Variants in EPHA4 observed in about 807,000 individuals in gnomAD.
The protein encoded by EPHA4 is ephrin type-A receptor 4.
EPHA4 carries 19 observed loss-of-function variants against 108.3 expected under a neutral mutation model. The observed-to-expected ratio is 0.18, with a 90% CI of 0.12 to 0.26. EPHA4 has a LOEUF of 0.26. Ranked by LOEUF, EPHA4 falls within the 10% of genes least tolerant of loss-of-function variation. EPHA4 has a pLI of 1.00. For missense variants in EPHA4, 917 were observed against 1,254.0 expected (o/e 0.73, Z 4.06); for synonymous variants, 449 against 455.5 (o/e 0.99, Z 0.18).
intron 5 of EPHA4, 76 bp downstream of exon 5, chr2:221,482,276 T>C: frequency 3.9e-6 from 5 of 1,288,590 alleles, no homozygotes; most frequent in Non-Finnish European, 5.3e-6. Context: ...ATTATAGCAA[T>C]TTATTATAAT....
intron 15 of EPHA4, among the ~76,000 whole-genome samples, chr2:221,427,948 T>C (rs1234126988): frequency 1.3e-5 from 2 of 152,202 alleles, no homozygotes; most frequent in African/African-American, 4.8e-5. Context: ...CATTGTAACC[T>C]GTCTTTTGTG....
intron 4 of EPHA4, among the ~76,000 whole-genome samples, chr2:221,486,871 C>T (rs1691991189): frequency 6.6e-6 from 1 of 151,894 alleles, no homozygotes. Context: ...GAATTAAAAA[C>T]TAATGAAGTC....
At chr2:221,557,593 AGGCAGTTCTT>A (rs1378288034) in intron 3 of EPHA4, among the ~76,000 whole-genome samples, 1 of 152,192 alleles carries the variant, frequency 6.6e-6, no homozygotes, top group Non-Finnish European at 1.5e-5. Flanking sequence ...TCAACTCCAA[AGGCAGTTCTT>A]GGCCATTTTG....
At chr2:221,430,793 T>A (rs1028738963) in intron 14 of EPHA4, among the ~76,000 whole-genome samples, 6 of 152,144 alleles carry the variant, frequency 3.9e-5, no homozygotes, top group African/African-American at 7.2e-5. Context: ...TAGATTTTTT[T>A]TAAAAAAGTA....
intron 3 of EPHA4, among the ~76,000 whole-genome samples, chr2:221,553,349 G>C (rs182768311): frequency 6.6e-6 from 1 of 152,206 alleles, no homozygotes; most frequent in Non-Finnish European, 1.5e-5. Flanking sequence ...ACTGTGGAAA[G>C]CAATAGCTGG....
Position 221,501,273 on chromosome 2 carries a change from C to T in EPHA4, c.824-101G>A, listed in dbSNP as rs1185547447. On this transcript the variant is annotated intron_variant, in intron 3 of 17. Transcript: ENST00000281821. ...CTTGTTTCAGAAGAAGGGAGACGTT[C>T]TTGCTAATCATTAGCGATCATGTGG... The T allele has an allele frequency of 4.7e-6, 5 of 1,073,512 alleles. 1 individual carries two copies. In the African/African-American group the frequency reaches 8.0e-5, roughly 17 times the overall value. The allele number at this position is 1,073,512 out of a possible 1,614,324, so 66.5% of individuals were successfully genotyped here.
rs1449030290 is a variant in EPHA4 at position 221,483,383 on chromosome 2, GTTGT to G, written c.980-697_980-694del. ...TTCTGAAATATGGGTGATGGCAGTG[GTTGT>G]TATGAAACAGAACAACTGATTACCG... On this transcript the variant is annotated intron_variant, in intron 4 of 17. Transcript: ENST00000281821. Among the ~76,000 whole-genome samples the G allele has an allele frequency of 1.3e-5, 2 of 152,044 alleles. 1 individual carries two copies. Among genetic ancestry groups the G allele is most frequent in the Non-Finnish European group, 2.9e-5 (2 of 68,010 alleles).
intron 15 of EPHA4, among the ~76,000 whole-genome samples, chr2:221,428,256 A>G (rs758918997): frequency 6.6e-6 from 1 of 152,232 alleles, no homozygotes; most frequent in Non-Finnish European, 1.5e-5. Context: ...CTCGATGTCA[A>G]TTAACTTTAA....
chr2:221,425,827 A>G lies in EPHA4; in HGVS notation c.*201T>C, dbSNP rs1226502043. ...TGAGAAACGATTTGTTCCAGGTCTC[A>G]TTCAAATGACCGGCAGTCATTTCTG... On this transcript the variant is annotated 3_prime_UTR_variant, in exon 17 of 18. Transcript: ENST00000281821. The G allele has an allele frequency of 1.7e-6, 1 of 575,248 alleles. No individual in the cohort carries two copies. Among genetic ancestry groups the G allele is most frequent in the African/African-American group, 1.9e-5 (1 of 53,256 alleles). The allele number at this position is 575,248 out of a possible 1,614,324, so 35.6% of individuals were successfully genotyped here. A position where few individuals can be genotyped will look rare whatever the true frequency, so the allele number is the denominator to read the frequency against.
intron 4 of EPHA4, among the ~76,000 whole-genome samples, chr2:221,485,759 T>A (rs1691956912): frequency 6.6e-6 from 1 of 152,096 alleles, no homozygotes; most frequent in Admixed American, 6.5e-5. Context: ...AGGGCCCATC[T>A]CCTCTTTAGG....
At chr2:221,513,083 C>T (rs1692878240) in intron 3 of EPHA4, among the ~76,000 whole-genome samples, 1 of 152,170 alleles carries the variant, frequency 6.6e-6, no homozygotes, top group Non-Finnish European at 1.5e-5. Context: ...AGGAAGCTGG[C>T]TTCACCCAGA....
At position 221,431,664 on chromosome 2, in the gene EPHA4, T is replaced by G. The variant is rs987353982; in HGVS notation, c.2497-1513A>C. Among the ~76,000 whole-genome samples the G allele has an allele frequency of 3.3e-5, 5 of 152,324 alleles. No individual in the cohort carries two copies. In the East Asian group the frequency reaches 7.7e-4, roughly 23 times the overall value. On this transcript the variant is annotated intron_variant, in intron 14 of 17. Coordinates refer to ENST00000281821, the MANE Select transcript of EPHA4 (RefSeq NM_004438.5). ...TGCATCGTGTTGACTCTAGACTTGA[T>G]GAGAACATTTTGCACTGAATTGAGG...
intron 3 of EPHA4, among the ~76,000 whole-genome samples, chr2:221,551,950 A>G (rs570292872): frequency 6.6e-6 from 1 of 152,222 alleles, no homozygotes; most frequent in Non-Finnish European, 1.5e-5. Flanking sequence ...GGTTTGAAAA[A>G]GAAACCTGAA....
intron 9 of EPHA4, among the ~76,000 whole-genome samples, chr2:221,444,139 G>C (rs1014892352): frequency 2.0e-5 from 3 of 150,032 alleles, no homozygotes; most frequent in Non-Finnish European, 4.4e-5. Flanking sequence ...TAGTTGATTT[G>C]AGAATACAGA....
intron 3 of EPHA4, among the ~76,000 whole-genome samples, chr2:221,561,487 A>C (rs1694463603): frequency 6.6e-6 from 1 of 152,172 alleles, no homozygotes; most frequent in Admixed American, 6.5e-5. Flanking sequence ...ACCTGAAAAC[A>C]CTGAAGTTTC....
intron 9 of EPHA4, among the ~76,000 whole-genome samples, chr2:221,444,592 G>C (rs1032999460): frequency 2.0e-5 from 3 of 152,002 alleles, no homozygotes; most frequent in African/African-American, 7.3e-5. Flanking sequence ...TATATTCCAT[G>C]TAAAAATTTA....
In EPHA4 at chr2:221,435,408, G is replaced by A. The variant is rs576281552; in HGVS notation, c.2346+991C>T. Among the ~76,000 whole-genome samples the A allele has an allele frequency of 4.0e-5, 5 of 123,886 alleles. No homozygotes were observed. The South Asian group carries it at 1.5e-3, about 36-fold the overall frequency. 81.3% of individuals were successfully genotyped at this position (123,886 alleles called of 152,430 possible). On this transcript the variant is annotated intron_variant, in intron 13 of 17. Transcript: ENST00000281821. ...ATTCTTTTCTAAACGAATGGACTTGGAATTCAAAAGAGGACAAGCATAAGA... is the reference window on the plus strand; with the variant it reads ...ATTCTTTTCTAAACGAATGGACTTGAAATTCAAAAGAGGACAAGCATAAGA...
intron 3 of EPHA4, among the ~76,000 whole-genome samples, chr2:221,549,388 C>T: frequency 6.6e-6 from 1 of 152,150 alleles, no homozygotes; most frequent in East Asian, 1.9e-4. Flanking sequence ...GATGTGTCTC[C>T]AAACAGTTAT....
At chr2:221,541,536 C>T (rs1309908584) in intron 3 of EPHA4, among the ~76,000 whole-genome samples, 6 of 152,054 alleles carry the variant, frequency 3.9e-5, no homozygotes, top group East Asian at 1.9e-4. Flanking sequence ...GCCGGGGAGG[C>T]GGACAGAAGT....
Sources: allele counts gnomAD v4.1 joint callset (sites outside exome capture counted in the v4.1 genomes callset), GRCh38; gene constraint gnomAD v4.1.1; transcripts MANE v1.5; gene names NCBI Gene and HGNC (gene_info 2026-07-23, HGNC 2026-07-21).